CCSER1: variants seen among roughly 807,000 people sequenced by gnomAD.
CCSER1 encodes the protein coiled-coil serine rich protein 1.
CCSER1 carries 41 observed loss-of-function variants against 82.0 expected under a neutral mutation model. The observed-to-expected ratio is 0.50, with a 90% CI of 0.39 to 0.65. The LOEUF (loss-of-function observed/expected upper bound fraction) is 0.65. Among genes scored for constraint, CCSER1 ranks in the 30% least tolerant of loss-of-function variants. CCSER1 has a pLI of 0.00. For missense variants in CCSER1, 1,119 were observed against 1,064.2 expected, an observed-to-expected ratio of 1.05 and a Z score of -0.72; for synonymous variants, 414 against 383.9, an observed-to-expected ratio of 1.08 and a Z score of -0.92.
intron 8 of CCSER1, among the ~76,000 whole-genome samples, chr4:90,917,132 A>G (rs1727586437): frequency 6.6e-6 from 1 of 152,206 alleles, no homozygotes; most frequent in African/African-American, 2.4e-5. Flanking sequence ...CTAGAACTAG[A>G]AATACCATTT....
chr4:90,229,751 G>T (rs1418838619), intron 1 of CCSER1, among the ~76,000 whole-genome samples: 2 of 152,044 alleles, frequency 1.3e-5, no homozygotes, highest in African/African-American at 4.8e-5. Context: ...ACACACGTAG[G>T]CTCAAAATAA....
intron 10 of CCSER1, among the ~76,000 whole-genome samples, chr4:91,452,759 G>C (rs151197190): frequency 3.9e-5 from 6 of 152,146 alleles, no homozygotes. Context: ...ACCTCACTTT[G>C]TTCTTGACAA....
intron 10 of CCSER1, among the ~76,000 whole-genome samples, chr4:91,437,302 A>C (rs1389152122): frequency 6.6e-6 from 1 of 152,210 alleles, no homozygotes. Flanking sequence ...AGTTTATTTG[A>C]CCATAAAGGA....
intron 7 of CCSER1, among the ~76,000 whole-genome samples, chr4:90,811,513 T>A (rs2149743470): frequency 6.6e-6 from 1 of 152,232 alleles, no homozygotes; most frequent in Admixed American, 6.5e-5. Context: ...TAGAGACAAT[T>A]ACAGAAATTT....
intron 6 of CCSER1, among the ~76,000 whole-genome samples, chr4:90,712,879 A>G (rs1366240629): frequency 7.1e-6 from 1 of 140,146 alleles, no homozygotes; most frequent in Non-Finnish European, 1.5e-5. Flanking sequence ...TGAACTCTTT[A>G]CCATTATATA....
In CCSER1 at chr4:90,539,424, A is replaced by ATCTT. The variant is rs1775824690; in HGVS notation, c.1724+71072_1724+71075dup. ...ATTAAACTCAGACTTTCCTAGCAAA[A>ATCTT]TCTTTAGTGACTTTTTTATGTGATA... On this transcript the variant is annotated intron_variant, in intron 5 of 10. Coordinates refer to ENST00000509176, the MANE Select transcript of CCSER1 (RefSeq NM_001145065.2). Among the ~76,000 whole-genome samples the ATCTT allele has an allele frequency of 2.0e-5, 3 of 152,032 alleles. No homozygotes were observed. The South Asian group carries it at 6.2e-4, about 32-fold the overall frequency.
chr4:90,535,856 G>C (rs946327789), intron 5 of CCSER1, among the ~76,000 whole-genome samples: 18 of 151,898 alleles, frequency 1.2e-4, no homozygotes, highest in African/African-American at 4.1e-4. Context: ...CAGATGCTTT[G>C]CTTTGACTTG....
chr4:90,594,688 T>C (rs1028881644), intron 5 of CCSER1, among the ~76,000 whole-genome samples: 4 of 152,146 alleles, frequency 2.6e-5, no homozygotes, highest in African/African-American at 9.6e-5. Flanking sequence ...AGACCATCCT[T>C]GTGAACAACA....
intron 5 of CCSER1, among the ~76,000 whole-genome samples, chr4:90,589,337 T>G (rs1450220531): frequency 6.6e-6 from 1 of 152,076 alleles, no homozygotes; most frequent in African/African-American, 2.4e-5. Context: ...GTTTATAGGG[T>G]TTATAATTTT....
intron 10 of CCSER1, among the ~76,000 whole-genome samples, chr4:91,462,715 T>G (rs185019454): frequency 6.6e-6 from 1 of 152,282 alleles, no homozygotes; most frequent in African/African-American, 2.4e-5. Flanking sequence ...GATTATATCT[T>G]GTGCCTGGCT....
chr4:90,631,632 C>T (rs1456695507), intron 6 of CCSER1, among the ~76,000 whole-genome samples: 1 of 152,132 alleles, frequency 6.6e-6, no homozygotes, highest in Non-Finnish European at 1.5e-5. Flanking sequence ...CCTAAAGTTT[C>T]TAGAACTGTT....
At chr4:91,059,290 A>ATG (rs1261925732) in intron 9 of CCSER1, among the ~76,000 whole-genome samples, 2 of 84,586 alleles carry the variant, frequency 2.4e-5, no homozygotes, top group East Asian at 2.1e-4. Context: ...TTAAGCTGAA[A>ATG]TGTGTGTATA....
intron 6 of CCSER1, among the ~76,000 whole-genome samples, chr4:90,665,183 A>G (rs1361050033): frequency 2.0e-5 from 3 of 152,174 alleles, no homozygotes; most frequent in African/African-American, 7.2e-5. Flanking sequence ...GGTCCTTGCT[A>G]TAACAGAAGA....
intron 5 of CCSER1, among the ~76,000 whole-genome samples, chr4:90,590,857 G>C (rs1258769528): frequency 6.6e-6 from 1 of 152,122 alleles, no homozygotes; most frequent in African/African-American, 2.4e-5. Flanking sequence ...AGCTTGCTGG[G>C]AATAGCATTG....
At chr4:90,413,904 G>C (rs1177766872) in intron 4 of CCSER1, among the ~76,000 whole-genome samples, 3 of 120,902 alleles carry the variant, frequency 2.5e-5, no homozygotes, top group Non-Finnish European at 4.8e-5. Flanking sequence ...AGCCAAGATT[G>C]CGCCACTGCA....
At chr4:90,900,591 G>GT (rs1724490116) in intron 8 of CCSER1, among the ~76,000 whole-genome samples, 1 of 151,142 alleles carries the variant, frequency 6.6e-6, no homozygotes, top group African/African-American at 2.4e-5. Flanking sequence ...TTTGTTTGTT[G>GT]TTTTTTTCAT....
chr4:90,730,695 T>A (rs1253220047), intron 7 of CCSER1, among the ~76,000 whole-genome samples: 1 of 152,172 alleles, frequency 6.6e-6, no homozygotes, highest in African/African-American at 2.4e-5. Context: ...GAAGACCACT[T>A]TGATTATGGA....
chr4:90,272,581 C>T (rs1726746787), intron 1 of CCSER1, among the ~76,000 whole-genome samples: 1 of 152,074 alleles, frequency 6.6e-6, no homozygotes, highest in East Asian at 1.9e-4. Context: ...TAAAAGAAAT[C>T]AATATGTTAA....
chr4:90,701,357 A>G (rs1460961199), intron 6 of CCSER1, among the ~76,000 whole-genome samples: 4 of 152,234 alleles, frequency 2.6e-5, no homozygotes, highest in African/African-American at 9.6e-5. Context: ...CTGTTGTGGT[A>G]TCAGTACCAT....
Sources: allele counts gnomAD v4.1 joint callset (sites outside exome capture counted in the v4.1 genomes callset), GRCh38; gene constraint gnomAD v4.1.1; transcripts MANE v1.5; gene names NCBI Gene and HGNC (gene_info 2026-07-23, HGNC 2026-07-21).